The following PCBD2 variants were observed in gnomAD, a reference collection of about 807,000 sequenced individuals.
The protein encoded by PCBD2 is pterin-4 alpha-carbinolamine dehydratase 2.
PCBD2 carries 12 observed loss-of-function variants against 16.4 expected under a neutral mutation model. The ratio of observed to expected loss-of-function variants is 0.73; its 90% CI spans 0.47 to 1.19. The LOEUF is 1.19. Among genes scored for constraint, PCBD2 ranks in the 50% most tolerant of loss-of-function variants. The pLI is 0.00. For missense variants in PCBD2, 138 were observed against 156.8 expected (o/e 0.88, Z 0.64); for synonymous variants, 58 against 61.8 (o/e 0.94, Z 0.29).
At chr5:134,925,919 C>T (rs370372840) in intron 2 of PCBD2, 13 of 391,914 alleles carry the variant, frequency 3.3e-5, no homozygotes, top group South Asian at 2.6e-4. Context: ...AGGATGAAAC[C>T]GATGTCGCCG....
At chr5:134,924,667 G>T (rs1156731558) in intron 2 of PCBD2, 1 of 396,882 alleles carries the variant, frequency 2.5e-6, no homozygotes, top group Non-Finnish European at 4.4e-6. Flanking sequence ...TAGGAGTAGG[G>T]TTAGGATGAG....
Position 134,962,415 on chromosome 5 carries a change from T to A in PCBD2, c.*1734T>A, listed in dbSNP as rs1381238986. Among the ~76,000 whole-genome samples the A allele has an allele frequency of 6.6e-6, 1 of 151,808 alleles. No individual in the cohort carries two copies. The highest frequency in any genetic ancestry group is 2.4e-5 in the African/African-American group (1 of 41,322). On this transcript the variant is annotated 3_prime_UTR_variant, in exon 4 of 4. Coordinates refer to ENST00000254908, the MANE Select transcript of PCBD2 (RefSeq NM_032151.5). ...TAACAATTATTTTAAAATTTTTATT[T>A]ATTTATTTTTAATAATTATACAAGA... is the stretch of plus-strand genomic sequence containing the variant.
chr5:134,933,186 A>G (rs1214301300), intron 2 of PCBD2, among the ~76,000 whole-genome samples: 1 of 152,120 alleles, frequency 6.6e-6, no homozygotes, highest in African/African-American at 2.4e-5. Context: ...TGCTTCTTTC[A>G]TTTCATGTAT....
intron 2 of PCBD2, among the ~76,000 whole-genome samples, chr5:134,946,893 G>A (rs968116656): frequency 6.6e-6 from 1 of 152,024 alleles, no homozygotes; most frequent in African/African-American, 2.4e-5. Context: ...TTAAGCAGAA[G>A]CCCTTTTGCC....
intron 2 of PCBD2, among the ~76,000 whole-genome samples, chr5:134,935,934 T>C (rs1423111327): frequency 6.6e-6 from 1 of 152,208 alleles, no homozygotes; most frequent in Admixed American, 6.5e-5. Context: ...TGTTGATCTT[T>C]CTGGAGGGAA....
At chr5:134,935,089 A>G (rs17713762) in intron 2 of PCBD2, among the ~76,000 whole-genome samples, 5,220 of 152,294 alleles carry the variant, frequency 0.034, 117 homozygotes, top group Non-Finnish European at 0.054. Flanking sequence ...AAACCAACCC[A>G]TTTGTGACAA....
At chr5:134,946,081 ATATACT>A (rs1162967342) in intron 2 of PCBD2, among the ~76,000 whole-genome samples, 2 of 151,126 alleles carry the variant, frequency 1.3e-5, no homozygotes, top group South Asian at 2.1e-4. Context: ...AAATAAATAA[ATATACT>A]TAAATAAGAT....
intron 2 of PCBD2, chr5:134,928,355 G>T: frequency 2.6e-6 from 1 of 377,806 alleles, no homozygotes; most frequent in South Asian, 1.3e-4. Flanking sequence ...ATAATTTAAT[G>T]AGTCGAAATC....
chr5:134,935,872 A>T (rs773176914), intron 2 of PCBD2, among the ~76,000 whole-genome samples: 5 of 152,190 alleles, frequency 3.3e-5, no homozygotes, highest in Admixed American at 1.3e-4. Context: ...CGTAGCCCTG[A>T]GTGGAAATGC....
intron 2 of PCBD2, among the ~76,000 whole-genome samples, chr5:134,912,768 C>T (rs986919344): frequency 4.6e-5 from 7 of 152,068 alleles, no homozygotes; most frequent in Non-Finnish European, 7.4e-5. Context: ...TGTTGATGTT[C>T]GAAAGGAGAG....
chr5:134,929,228 T>C (rs1351731960), intron 2 of PCBD2, among the ~76,000 whole-genome samples: 1 of 151,914 alleles, frequency 6.6e-6, no homozygotes, highest in Non-Finnish European at 1.5e-5. Context: ...TTGCCTGTAA[T>C]CCCAGCATTT....
At chr5:134,914,675 A>ATT (rs1011685274) in intron 2 of PCBD2, among the ~76,000 whole-genome samples, 1 of 143,082 alleles carries the variant, frequency 7.0e-6, no homozygotes, top group Non-Finnish European at 1.5e-5. Context: ...GACATCATCT[A>ATT]TTTTTTTTTT....
At chr5:134,933,970 T>A (rs1038243052) in intron 2 of PCBD2, among the ~76,000 whole-genome samples, 9 of 152,156 alleles carry the variant, frequency 5.9e-5, no homozygotes, top group Non-Finnish European at 1.3e-4. Context: ...ATATTTCTCT[T>A]TTAGAGAGTT....
chr5:134,931,499 T>G (rs529847345), intron 2 of PCBD2, among the ~76,000 whole-genome samples: 1 of 152,308 alleles, frequency 6.6e-6, no homozygotes, highest in South Asian at 2.1e-4. Flanking sequence ...ATAGGTTGTT[T>G]CATTGAAGCT....
At chr5:134,927,560 G>T in intron 2 of PCBD2, 1 of 397,074 alleles carries the variant, frequency 2.5e-6, no homozygotes, top group South Asian at 1.3e-4. Flanking sequence ...CGATGAGTAG[G>T]GGGAGGGAGC....
At chr5:134,912,558 C>T (rs1217113539) in intron 2 of PCBD2, among the ~76,000 whole-genome samples, 1 of 152,146 alleles carries the variant, frequency 6.6e-6, no homozygotes, top group Non-Finnish European at 1.5e-5. Context: ...TAAATCGTAT[C>T]TATAGGGAGA....
At chr5:134,942,130 CAAAA>C (rs397882223) in intron 2 of PCBD2, among the ~76,000 whole-genome samples, 1 of 82,280 alleles carries the variant, frequency 1.2e-5, no homozygotes, top group Admixed American at 1.5e-4. Flanking sequence ...GGCTCTGTCT[CAAAA>C]AAAAAAAAAA....
chr5:134,910,337 A>T lies in PCBD2; in HGVS notation c.87A>T (p.Ser29=), dbSNP rs368207314. The T allele has an allele frequency of 6.2e-7, 1 of 1,613,840 alleles. No individual in the cohort carries two copies. The highest frequency in any genetic ancestry group is 8.5e-7 in the Non-Finnish European group (1 of 1,179,868). Residue 29 remains serine, a splice_region_variant and synonymous_variant, in exon 2 of 4, where the codon TCA becomes TCT. Transcript: ENST00000254908. The part of the protein sequence containing the change: ...RGQSLGLAAM[S]SGTHRLTAEE... ...TATGAAATGTGTTCTCTTCATAGTCATCAGGTACTCACAGGTTGACTGCAG... is the reference window on the plus strand; with the variant it reads ...TATGAAATGTGTTCTCTTCATAGTCTTCAGGTACTCACAGGTTGACTGCAG...
chr5:134,909,344 C>T (rs1271767451), intron 1 of PCBD2, among the ~76,000 whole-genome samples: 1 of 152,186 alleles, frequency 6.6e-6, no homozygotes, highest in African/African-American at 2.4e-5. Flanking sequence ...ATCTGTGGAC[C>T]CCCAGAAGTT....
Sources: allele counts gnomAD v4.1 joint callset (sites outside exome capture counted in the v4.1 genomes callset), GRCh38; gene constraint gnomAD v4.1.1; transcripts MANE v1.5; gene names NCBI Gene and HGNC (gene_info 2026-07-23, HGNC 2026-07-21).